Variants in REPS1 observed in about 807,000 individuals in gnomAD.
REPS1 encodes the protein RALBP1 associated Eps domain containing 1.
REPS1 carries 39 observed loss-of-function variants against 100.9 expected under a neutral mutation model. The observed-to-expected ratio is 0.39, with a 90% CI of 0.30 to 0.50. The LOEUF (loss-of-function observed/expected upper bound fraction) is 0.50, where lower values mean the gene tolerates loss of function less well. REPS1 is among the 20% of genes least tolerant of loss of function. The probability of loss-of-function intolerance (pLI) is 0.86; values close to 1 mark genes in which losing one functional copy is unlikely to be tolerated. For synonymous variants in REPS1, 324 were observed against 340.3 expected (o/e 0.95, Z 0.53); for missense variants, 821 against 968.5 (o/e 0.85, Z 2.02).
intron 8 of REPS1, among the ~76,000 whole-genome samples, chr6:138,932,480 C>T (rs114004621): frequency 0.011 from 1,578 of 147,130 alleles, 23 homozygotes; most frequent in African/African-American, 0.037. Context: ...CATACATAAG[C>T]ATTAAATATA....
At chr6:138,933,562 A>T (rs1172231513) in intron 8 of REPS1, among the ~76,000 whole-genome samples, 2 of 152,224 alleles carry the variant, frequency 1.3e-5, no homozygotes, top group Non-Finnish European at 2.9e-5. Context: ...GACCCCTGGT[A>T]TACCTCAAAC....
At chr6:138,938,547 G>C (rs943045577) in intron 8 of REPS1, among the ~76,000 whole-genome samples, 1 of 152,152 alleles carries the variant, frequency 6.6e-6, no homozygotes, top group Non-Finnish European at 1.5e-5. Flanking sequence ...TATTAGTGCA[G>C]TGCCTGGCAA....
At chr6:138,928,775 T>C (rs1781302824) in intron 9 of REPS1, 1 of 150,798 alleles carries the variant, frequency 6.6e-6, no homozygotes, top group Non-Finnish European at 1.5e-5. Flanking sequence ...GATGAATAGA[T>C]GCAGCAAAAA....
intron 10 of REPS1, among the ~76,000 whole-genome samples, chr6:138,921,406 T>C (rs1780745033): frequency 6.6e-6 from 1 of 151,538 alleles, no homozygotes; most frequent in Admixed American, 6.6e-5. Flanking sequence ...ACACCTGTAA[T>C]GCCAGCACTT....
chr6:138,906,168 G>A (rs1289869645), intron 19 of REPS1, among the ~76,000 whole-genome samples: 2 of 152,104 alleles, frequency 1.3e-5, no homozygotes, highest in African/African-American at 2.4e-5. Flanking sequence ...CTTCCTGTAC[G>A]ATGGACTAAA....
At chr6:138,940,649 G>A (rs1782181776) in intron 8 of REPS1, among the ~76,000 whole-genome samples, 1 of 151,958 alleles carries the variant, frequency 6.6e-6, no homozygotes, top group Non-Finnish European at 1.5e-5. Flanking sequence ...AGGAGGCTGA[G>A]GCAGGAGAAT....
In REPS1 at chr6:138,944,498, C is replaced by A; in HGVS notation, c.753G>T (p.Gln251His). 1 of 1,613,488 alleles carries A rather than the reference C, an allele frequency of 6.2e-7. No individual in the cohort carries two copies. The highest frequency in any genetic ancestry group is 8.5e-7 in the Non-Finnish European group (1 of 1,179,718). ...ATGCAATACCAATAAAATGTCACAC[C>A]TGGACAGAAGCAGGATGCATGGTTA... is the stretch of plus-strand genomic sequence containing the variant. ...TLLTMHPASV[Q>H]DQTTVRTVAS... is the part of the protein sequence containing the mutation. Residue 251 changes from glutamine to histidine, a missense_variant and splice_region_variant, in exon 5 of 20, where the codon CAG (glutamine) becomes CAT (histidine). By Grantham distance (24) the Gln-to-His change is conservative. This residue lies in a region of REPS1 where 757 missense variants were observed against 866.4 expected (regional missense o/e 0.87). Coordinates refer to ENST00000450536, the MANE Select transcript of REPS1 (RefSeq NM_001286611.2).
At chr6:138,952,792 C>T (rs59388854) in intron 1 of REPS1, among the ~76,000 whole-genome samples, 16,575 of 151,746 alleles carry the variant, frequency 0.11, 1,139 homozygotes, top group South Asian at 0.23. Flanking sequence ...ACTGGATATC[C>T]ATATGAAATA....
chr6:138,917,851 T>C (rs1780505155), intron 12 of REPS1, among the ~76,000 whole-genome samples: 1 of 152,044 alleles, frequency 6.6e-6, no homozygotes, highest in Non-Finnish European at 1.5e-5. Flanking sequence ...CTAGAAAAAA[T>C]AATGAATACT....
chr6:138,926,510 CATG>C, intron 9 of REPS1, 29 bp from the exon 10 acceptor site: 1 of 1,495,906 alleles, frequency 6.7e-7, no homozygotes, highest in African/African-American at 1.4e-5. Flanking sequence ...GACAAGTCAG[CATG>C]ATGAGAAAGA....
chr6:138,953,740 G>T (rs974043528), intron 1 of REPS1, among the ~76,000 whole-genome samples: 6 of 151,198 alleles, frequency 4.0e-5, no homozygotes, highest in African/African-American at 1.5e-4. Flanking sequence ...ATATACTTTT[G>T]GTGGGAATGC....
intron 17 of REPS1, chr6:138,910,773 T>C (rs937165984): frequency 2.0e-5 from 3 of 153,302 alleles, no homozygotes; most frequent in African/African-American, 4.8e-5. Context: ...TGGAGAGATA[T>C]GTAGTAAAGC....
rs769712880 is a variant in REPS1, at chr6:138,907,575, T to G, written c.2242A>C (p.Ile748Leu). ...TTATTACGTCTAATTGATGCCTGAATAGCTTTCTTATCTTTCCCAACAGAT... is the reference window on the plus strand; with the variant it reads ...TTATTACGTCTAATTGATGCCTGAAGAGCTTTCTTATCTTTCCCAACAGAT... ...PRSVGKDKKAIQASIRRNKET... is the reference protein window; with the variant it reads ...PRSVGKDKKALQASIRRNKET... Residue 748 changes from isoleucine (I) to leucine (L), a missense_variant, in exon 19 of 20, where the codon ATT (isoleucine) becomes CTT (leucine). Around this residue, in one of 3 missense-constraint regions of REPS1, gnomAD observed 757 missense variants for 866.4 expected, o/e 0.87. Transcript: ENST00000450536. The G allele has an allele frequency of 1.2e-6, 2 of 1,613,338 alleles. No individual in the cohort carries two copies. Among genetic ancestry groups the G allele is most frequent in the Non-Finnish European group, 1.7e-6 (2 of 1,179,404 alleles).
At chr6:138,964,473 G>A (rs969756058) in intron 1 of REPS1, among the ~76,000 whole-genome samples, 3 of 151,914 alleles carry the variant, frequency 2.0e-5, no homozygotes, top group Non-Finnish European at 4.4e-5. Flanking sequence ...GACTTTTCTG[G>A]AGCCCTTACT....
intron 1 of REPS1, among the ~76,000 whole-genome samples, chr6:138,949,250 C>A (rs958298392): frequency 2.0e-5 from 3 of 152,084 alleles, no homozygotes; most frequent in African/African-American, 7.2e-5. Context: ...GGGAAGACAC[C>A]AGGGAAATGG....
At chr6:138,943,641 A>G in intron 6 of REPS1, 65 bp from the exon 7 acceptor site, 1 of 1,260,632 alleles carries the variant, frequency 7.9e-7, no homozygotes, top group South Asian at 1.3e-5. Context: ...ACAGAATGTA[A>G]GAGTCTTAGA....
At chr6:138,983,196 G>A (rs1386226256) in intron 1 of REPS1, among the ~76,000 whole-genome samples, 1 of 152,196 alleles carries the variant, frequency 6.6e-6, no homozygotes, top group Admixed American at 6.5e-5. Flanking sequence ...GAATAAGCCT[G>A]TAATCCCAGC....
chr6:138,987,433 C>T (rs1271602226), intron 1 of REPS1, 97 bp downstream of exon 1: 2 of 1,282,420 alleles, frequency 1.6e-6, no homozygotes, highest in East Asian at 5.8e-5. Flanking sequence ...AGGAACCAGC[C>T]CCCCGCCGGG....
intron 9 of REPS1, 167 bp from the exon 10 acceptor site, chr6:138,926,648 T>G (rs546814984): frequency 2.6e-5 from 15 of 579,724 alleles, no homozygotes; most frequent in Non-Finnish European, 4.6e-5. Flanking sequence ...ATATTTATTC[T>G]GGGTCACTTG....
Sources: gnomAD v4.1 joint callset for allele counts (sites outside exome capture counted in the v4.1 genomes callset) on GRCh38, gnomAD v4.1.1 for gene constraint, gnomAD v4.1.1 regional missense constraint, MANE v1.5 for transcripts, NCBI Gene and HGNC (gene_info 2026-07-23, HGNC 2026-07-21) for gene names.